Variants in PRKAG2 observed in about 807,000 individuals in gnomAD.
PRKAG2 encodes protein kinase AMP-activated non-catalytic subunit gamma 2, also known as 5'-AMP-activated protein kinase subunit gamma-2.
In PRKAG2, 26 loss-of-function variants were observed where a neutral mutation model predicts 69.6. That is an observed-to-expected ratio of 0.37 (90% confidence interval 0.27 to 0.52). PRKAG2 has a LOEUF of 0.52. Ranked by LOEUF, PRKAG2 falls within the 20% of genes least tolerant of loss-of-function variation. The pLI, the probability that PRKAG2 is intolerant of heterozygous loss-of-function variation, is 0.90. For missense variants in PRKAG2, 557 were observed against 740.0 expected, an observed-to-expected ratio of 0.75 and a Z score of 2.87; for synonymous variants, 293 against 285.0, an observed-to-expected ratio of 1.03 and a Z score of -0.28.
chr7:151,608,275 G>A (rs977842385), intron 5 of PRKAG2, among the ~76,000 whole-genome samples: 1 of 152,176 alleles, frequency 6.6e-6, no homozygotes, highest in East Asian at 1.9e-4. Context: ...AACTTCTGTT[G>A]TCTAAGCCAC....
intron 1 of PRKAG2, among the ~76,000 whole-genome samples, chr7:151,821,522 C>T (rs1528975): frequency 0.65 from 98,718 of 152,026 alleles, 32,143 homozygotes; most frequent in East Asian, 0.76. Flanking sequence ...CCGGGCTGCC[C>T]AGGTGGTAGA....
intron 4 of PRKAG2, among the ~76,000 whole-genome samples, chr7:151,663,882 T>C (rs1467517364): frequency 6.6e-6 from 1 of 152,220 alleles, no homozygotes; most frequent in Non-Finnish European, 1.5e-5. Flanking sequence ...CACAGATTAG[T>C]CACAGATTGG....
chr7:151,641,392 C>T (rs919147841), intron 4 of PRKAG2, among the ~76,000 whole-genome samples: 1 of 151,760 alleles, frequency 6.6e-6, no homozygotes, highest in East Asian at 1.9e-4. Flanking sequence ...GGACTACAGG[C>T]GCACACCACC....
intron 5 of PRKAG2, among the ~76,000 whole-genome samples, chr7:151,622,075 A>G (rs556202695): frequency 6.6e-6 from 1 of 152,308 alleles, no homozygotes; most frequent in South Asian, 2.1e-4. Context: ...TCACTGATCT[A>G]TGTCATTTCA....
rs143175524 is a variant in PRKAG2 at position 151,743,734 on chromosome 7, G to A, written c.466+37418C>T. 2.4e-3 allele frequency among the ~76,000 whole-genome samples: 365 copies of A among 152,346 alleles called. 3 individuals are homozygous for A. The highest frequency in any genetic ancestry group is 8.5e-3 in the African/African-American group (355 of 41,586). On this transcript the variant is annotated intron_variant, in intron 3 of 15. Coordinates refer to ENST00000287878, the MANE Select transcript of PRKAG2 (RefSeq NM_016203.4). ...TGATGGGTCAGGGAACAGCAAGCCAGCTGCTGCTCCATGCTCGGCATCCCT... is the reference window on the plus strand; with the variant it reads ...TGATGGGTCAGGGAACAGCAAGCCAACTGCTGCTCCATGCTCGGCATCCCT...
intron 6 of PRKAG2, among the ~76,000 whole-genome samples, chr7:151,586,532 T>A (rs1811722788): frequency 6.6e-6 from 1 of 152,234 alleles, no homozygotes; most frequent in Non-Finnish European, 1.5e-5. Flanking sequence ...AAGTTCCCTT[T>A]AATGCTAGAA....
intron 3 of PRKAG2, among the ~76,000 whole-genome samples, chr7:151,749,728 A>C (rs1013934316): frequency 6.6e-6 from 1 of 152,008 alleles, no homozygotes; most frequent in South Asian, 2.1e-4. Flanking sequence ...TTTACTAGGG[A>C]ACTGCAAATC....
chr7:151,662,952 T>TC, intron 4 of PRKAG2, among the ~76,000 whole-genome samples: 1 of 151,976 alleles, frequency 6.6e-6, no homozygotes. Flanking sequence ...ACACTTGTAA[T>TC]CCCTTTGGAT....
intron 1 of PRKAG2, among the ~76,000 whole-genome samples, chr7:151,823,089 C>T (rs1002198179): frequency 2.0e-5 from 3 of 151,436 alleles, no homozygotes; most frequent in Non-Finnish European, 4.4e-5. Flanking sequence ...TCCCTGACCC[C>T]TGGCTTGTCA....
chr7:151,617,285 A>AGGGAGGGG (rs1328773673), intron 5 of PRKAG2, among the ~76,000 whole-genome samples: 2 of 18,698 alleles, frequency 1.1e-4, no homozygotes, highest in South Asian at 1.6e-3. Context: ...GGAGGGAAAG[A>AGGGAGGGG]GGGAGGGGGG....
chr7:151,626,593 C>T (rs1478734175), intron 5 of PRKAG2, among the ~76,000 whole-genome samples: 1 of 152,180 alleles, frequency 6.6e-6, no homozygotes, highest in African/African-American at 2.4e-5. Flanking sequence ...TGCCCACACA[C>T]CTGCCACTTT....
At chr7:151,820,793 C>T (rs1424479015) in intron 1 of PRKAG2, among the ~76,000 whole-genome samples, 1 of 152,212 alleles carries the variant, frequency 6.6e-6, no homozygotes, top group Non-Finnish European at 1.5e-5. Flanking sequence ...CTTGGGAAGC[C>T]CCATTTTCTT....
chr7:151,582,957 CAAG>C (rs1198979676), intron 6 of PRKAG2, among the ~76,000 whole-genome samples: 2 of 152,202 alleles, frequency 1.3e-5, no homozygotes, highest in South Asian at 2.1e-4. Context: ...CACTAACAGC[CAAG>C]AAGAACAAAT....
chr7:151,685,704 G>A (rs934137851), intron 3 of PRKAG2, among the ~76,000 whole-genome samples: 8 of 151,728 alleles, frequency 5.3e-5, no homozygotes, highest in African/African-American at 9.7e-5. Flanking sequence ...GAGAGGTTGC[G>A]GTTGCAATGA....
chr7:151,685,998 C>T (rs914112547), intron 3 of PRKAG2, among the ~76,000 whole-genome samples: 6 of 152,152 alleles, frequency 3.9e-5, no homozygotes, highest in Non-Finnish European at 7.3e-5. Context: ...CCCTGTGAGA[C>T]GGTTTTGCTC....
intron 4 of PRKAG2, among the ~76,000 whole-genome samples, chr7:151,642,051 A>AG (rs1826805859): frequency 2.8e-5 from 4 of 144,504 alleles, no homozygotes; most frequent in East Asian, 2.1e-4. Flanking sequence ...AAAAAAAAAA[A>AG]GGGGCCAGGC....
intron 3 of PRKAG2, among the ~76,000 whole-genome samples, chr7:151,776,244 C>T (rs1346627395): frequency 6.6e-6 from 1 of 152,200 alleles, no homozygotes; most frequent in Admixed American, 6.5e-5. Context: ...AGAAGCCATG[C>T]CCCCACCCCA....
chr7:151,703,911 A>AC lies in PRKAG2; in HGVS notation c.467-28275_467-28274insG, dbSNP rs1563476709. ...ACACACACACACACACACACACACAAATTAGCTAGGCATGGTGGCAGGTGC... is the reference window on the plus strand; with the variant it reads ...ACACACACACACACACACACACACAACATTAGCTAGGCATGGTGGCAGGTGC... On this transcript the variant is annotated intron_variant, in intron 3 of 15. Coordinates refer to ENST00000287878, the MANE Select transcript of PRKAG2 (RefSeq NM_016203.4). 3.0e-3 allele frequency among the ~76,000 whole-genome samples: 311 copies of AC among 103,692 alleles called. 7 individuals are homozygous for AC. The highest frequency in any genetic ancestry group is 9.7e-3 in the African/African-American group (238 of 24,596). 68.0% of individuals were successfully genotyped at this position (103,692 alleles called of 152,430 possible). A position where few individuals can be genotyped will look rare whatever the true frequency, so the allele number is the denominator to read the frequency against.
At chr7:151,557,350 G>C (rs2150958362) in intron 15 of PRKAG2, 118 bp from the exon 16 acceptor site, 2 of 1,607,490 alleles carry the variant, frequency 1.2e-6, no homozygotes, top group South Asian at 2.2e-5. Context: ...AGGCTTCGGA[G>C]GAGGGCGATG....
Sources: allele counts gnomAD v4.1 joint callset (sites outside exome capture counted in the v4.1 genomes callset), GRCh38; gene constraint gnomAD v4.1.1; transcripts MANE v1.5; gene names NCBI Gene and HGNC (gene_info 2026-07-23, HGNC 2026-07-21).